The following WDR48 variants were observed in gnomAD, a reference collection of about 807,000 sequenced individuals.
The protein encoded by WDR48 is WD repeat domain 48.
WDR48 carries 22 observed loss-of-function variants against 94.0 expected under a neutral mutation model. That is an observed-to-expected ratio of 0.23 (90% CI 0.17 to 0.33). WDR48 has a LOEUF of 0.33. Among genes scored for constraint, WDR48 ranks in the 10% least tolerant of loss-of-function variants. The probability of loss-of-function intolerance (pLI) is 1.00; values close to 1 mark genes in which losing one functional copy is unlikely to be tolerated. For missense variants in WDR48, 541 were observed against 813.8 expected (o/e 0.66, Z 4.08); for synonymous variants, 278 against 280.5 (o/e 0.99, Z 0.09).
intron 1 of WDR48, among the ~76,000 whole-genome samples, chr3:39,060,019 T>A (rs1484987452): frequency 6.6e-6 from 1 of 152,208 alleles, no homozygotes; most frequent in Non-Finnish European, 1.5e-5. Flanking sequence ...TTTATTTCAT[T>A]ATTCTCTTAG....
chr3:39,060,421 T>TGC (rs779584173), intron 1 of WDR48, among the ~76,000 whole-genome samples: 21 of 63,756 alleles, frequency 3.3e-4, no homozygotes, highest in African/African-American at 2.9e-3. Context: ...TGTGTGTGCA[T>TGC]ATATATATAT....
chr3:39,052,288 C>T (rs547305370), intron 1 of WDR48: 2 of 554,086 alleles, frequency 3.6e-6, no homozygotes, highest in Middle Eastern at 5.0e-4. Flanking sequence ...GGCCCGGGAC[C>T]CTCGTGGGCG....
intron 1 of WDR48, among the ~76,000 whole-genome samples, chr3:39,055,583 A>G (rs1156729841): frequency 2.6e-5 from 4 of 152,232 alleles, no homozygotes; most frequent in Non-Finnish European, 4.4e-5. Context: ...ATGTCCTACC[A>G]TCTTCAACTT....
At position 39,093,885 on chromosome 3, in the gene WDR48, C is replaced by G; in HGVS notation, c.1757C>G (p.Ser586Cys). ...TTGCTTTTTTACAGAGATAGACTCT[C>G]TGCTAGTGACATGCTCCAAGTCCGA... ...GAKTLKKDRLSASDMLQVRKV... is the reference protein window; with the variant it reads ...GAKTLKKDRLCASDMLQVRKV... Residue 586 changes from serine (S) to cysteine (C), a missense_variant, in exon 18 of 19, where the codon TCT becomes TGT. Ser to Cys is a moderately radical substitution (Grantham distance 112). Coordinates refer to ENST00000302313, the MANE Select transcript of WDR48 (RefSeq NM_020839.4). 6.2e-7 allele frequency: 1 copy of G among 1,607,774 alleles called. No homozygotes were observed. The highest frequency in any genetic ancestry group is 8.5e-7 in the Non-Finnish European group (1 of 1,177,804).
chr3:39,096,352 G>A lies in WDR48; in HGVS notation c.*1609G>A, dbSNP rs1249125293. ...CTGTTGGATACAACAGTGTGCTTTT[G>A]GTGCACATTTTTTAGCAATAGTTGT... On this transcript the variant is annotated 3_prime_UTR_variant, in exon 19 of 19. Coordinates refer to ENST00000302313, the MANE Select transcript of WDR48 (RefSeq NM_020839.4). 6.6e-6 allele frequency: 1 copy of A among 151,742 alleles called. No homozygotes were observed. The highest frequency in any genetic ancestry group is 2.4e-5 in the African/African-American group (1 of 41,242). The allele number at this position is 151,742 out of a possible 1,614,324, so 9.4% of individuals were successfully genotyped here. A position where few individuals can be genotyped will look rare whatever the true frequency, so the allele number is the denominator to read the frequency against.
intron 1 of WDR48, among the ~76,000 whole-genome samples, chr3:39,058,958 T>A (rs985282551): frequency 1.3e-5 from 2 of 150,812 alleles, no homozygotes; most frequent in Non-Finnish European, 2.9e-5. Flanking sequence ...ACCTGTAATC[T>A]AAGCTACTCG....
intron 1 of WDR48, among the ~76,000 whole-genome samples, chr3:39,057,525 T>C (rs1427812404): frequency 6.6e-6 from 1 of 152,280 alleles, no homozygotes; most frequent in African/African-American, 2.4e-5. Context: ...TAATACATGT[T>C]GTTTGTAAAA....
At chr3:39,091,172 T>C (rs2035056778) in intron 16 of WDR48, 1 of 153,116 alleles carries the variant, frequency 6.5e-6, no homozygotes, top group Non-Finnish European at 1.5e-5. Flanking sequence ...GGAAAGAAAA[T>C]GGGAGGACTT....
At chr3:39,072,160 A>G (rs547352142) in intron 7 of WDR48, among the ~76,000 whole-genome samples, 5 of 152,344 alleles carry the variant, frequency 3.3e-5, no homozygotes, top group African/African-American at 1.2e-4. Context: ...TTGTAGAATA[A>G]GATTCTTATT....
chr3:39,090,694 T>C (rs1409954407), intron 16 of WDR48: 1 of 152,264 alleles, frequency 6.6e-6, no homozygotes, highest in Non-Finnish European at 1.5e-5. Flanking sequence ...ATGTTTATCA[T>C]GTACTAAATT....
chr3:39,060,176 A>G (rs1218762020), intron 1 of WDR48, among the ~76,000 whole-genome samples: 2 of 152,144 alleles, frequency 1.3e-5, no homozygotes, highest in South Asian at 2.1e-4. Context: ...TTGGTCACCT[A>G]ACTCCAGAAT....
intron 10 of WDR48, 105 bp from the exon 11 acceptor site, chr3:39,079,606 A>G (rs2034414232): frequency 1.4e-6 from 1 of 731,400 alleles, no homozygotes; most frequent in African/African-American, 1.9e-5. Context: ...TCTAGTAGCT[A>G]GTACAGTTTA....
rs1483999972 is a variant in WDR48, at chr3:39,096,329, G to A, written c.*1586G>A. On this transcript the variant is annotated 3_prime_UTR_variant, in exon 19 of 19. Coordinates refer to ENST00000302313, the MANE Select transcript of WDR48 (RefSeq NM_020839.4). ...TTTTTTTTAAAAGTCCTTTCTATCT[G>A]TTGGATACAACAGTGTGCTTTTGGT... 1 of 151,572 alleles carries A rather than the reference G, an allele frequency of 6.6e-6. No homozygotes were observed. The highest frequency in any genetic ancestry group is 1.5e-5 in the Non-Finnish European group (1 of 67,970). 9.4% of individuals were successfully genotyped at this position (151,572 alleles called of 1,614,324 possible). A position where few individuals can be genotyped will look rare whatever the true frequency, so the allele number is the denominator to read the frequency against.
intron 7 of WDR48, among the ~76,000 whole-genome samples, chr3:39,071,180 T>G (rs1292861855): frequency 6.6e-6 from 1 of 152,226 alleles, no homozygotes. Flanking sequence ...AATTTGCTTA[T>G]CTGCAAAGTG....
intron 7 of WDR48, among the ~76,000 whole-genome samples, chr3:39,074,124 C>T (rs79527297): frequency 0.035 from 5,335 of 152,262 alleles, 194 homozygotes; most frequent in East Asian, 0.16. Context: ...ACCCATGGGC[C>T]TAGTGCATAC....
At chr3:39,062,383 G>A (rs1019434329) in intron 1 of WDR48, among the ~76,000 whole-genome samples, 1 of 152,196 alleles carries the variant, frequency 6.6e-6, no homozygotes, top group African/African-American at 2.4e-5. Context: ...GTTTTCACAA[G>A]GAACAGACAG....
intron 7 of WDR48, among the ~76,000 whole-genome samples, chr3:39,072,965 C>T (rs982668182): frequency 2.6e-5 from 4 of 152,160 alleles, no homozygotes; most frequent in African/African-American, 9.7e-5. Flanking sequence ...AACTGTGTTT[C>T]CTTATCTGCT....
At chr3:39,066,018 A>C (rs2033583369) in intron 3 of WDR48, 129 bp downstream of exon 3, 6 of 587,210 alleles carry the variant, frequency 1.0e-5, no homozygotes, top group Non-Finnish European at 1.4e-5. Flanking sequence ...CAATTTTAGA[A>C]AGTGAATACC....
chr3:39,092,190 TAAAAC>T (rs769114754), intron 17 of WDR48, among the ~76,000 whole-genome samples: 25 of 152,218 alleles, frequency 1.6e-4, no homozygotes, highest in Non-Finnish European at 2.4e-4. Flanking sequence ...AAATGATAAA[TAAAAC>T]ACACATTTTG....
Sources: allele counts gnomAD v4.1 joint callset (sites outside exome capture counted in the v4.1 genomes callset), GRCh38; gene constraint gnomAD v4.1.1; transcripts MANE v1.5; gene names NCBI Gene and HGNC (gene_info 2026-07-23, HGNC 2026-07-21).